Variants in SHANK2 observed in about 807,000 individuals in gnomAD.
SHANK2 encodes the protein SH3 and multiple ankyrin repeat domains protein 2.
A neutral mutation model predicts 133.7 loss-of-function variants in SHANK2; 43 were observed. That is an observed-to-expected ratio of 0.32 (90% CI 0.25 to 0.41). The LOEUF is 0.41. SHANK2 is among the 10% of genes least tolerant of loss of function. SHANK2 has a pLI of 1.00. For missense variants in SHANK2, 1,994 were observed against 2,235.8 expected (o/e 0.89, Z 2.18); for synonymous variants, 1,017 against 952.8 (o/e 1.07, Z -1.24).
intron 14 of SHANK2, among the ~76,000 whole-genome samples, chr11:70,752,199 C>G (rs1168137630): frequency 1.3e-5 from 2 of 152,144 alleles, no homozygotes; most frequent in African/African-American, 4.8e-5. Context: ...TCCCTCCCCC[C>G]TTGGCCTCCC....
intron 17 of SHANK2, among the ~76,000 whole-genome samples, chr11:70,533,719 T>C (rs537929751): frequency 2.3e-4 from 35 of 152,286 alleles, no homozygotes; most frequent in Non-Finnish European, 3.2e-4. Context: ...ATTCACAGTG[T>C]TGTGCAAGCA....
At chr11:71,218,422 C>T (rs897704589) in intron 2 of SHANK2, among the ~76,000 whole-genome samples, 3 of 151,980 alleles carry the variant, frequency 2.0e-5, no homozygotes, top group Non-Finnish European at 4.4e-5. Flanking sequence ...TGCCACCACG[C>T]CCAGCTAATT....
chr11:70,937,318 G>A (rs1950585639), intron 10 of SHANK2, among the ~76,000 whole-genome samples: 2 of 152,318 alleles, frequency 1.3e-5, no homozygotes, highest in South Asian at 4.1e-4. Flanking sequence ...AAGTCATGTG[G>A]TAACAGGGAC....
In SHANK2 at chr11:70,939,003, G is replaced by T. The variant is rs142682378; in HGVS notation, c.1108-42436C>A. On this transcript the variant is annotated intron_variant, in intron 10 of 25. Coordinates refer to ENST00000601538, the MANE Select transcript of SHANK2 (RefSeq NM_012309.5). ...GCTAATCCAGGAGAGACACTAGGGCGCCGGAACTATGGGTGGCAGCAGGGA... is the reference window on the plus strand; with the variant it reads ...GCTAATCCAGGAGAGACACTAGGGCTCCGGAACTATGGGTGGCAGCAGGGA... Among the ~76,000 whole-genome samples the T allele has an allele frequency of 1.9e-3, 286 of 152,252 alleles. 1 individual carries two copies. The highest frequency in any genetic ancestry group is 6.5e-3 in the African/African-American group (270 of 41,552).
chr11:70,681,199 G>A (rs964384899), intron 15 of SHANK2, among the ~76,000 whole-genome samples: 1 of 152,120 alleles, frequency 6.6e-6, no homozygotes, highest in Non-Finnish European at 1.5e-5. Context: ...CAAGTCCCCC[G>A]TTCTCTCTCT....
At chr11:70,678,487 C>G (rs1555017718) in intron 15 of SHANK2, among the ~76,000 whole-genome samples, 2 of 150,484 alleles carry the variant, frequency 1.3e-5, no homozygotes. Flanking sequence ...CTCCCTGCCT[C>G]TCCCTGCCTC....
At chr11:71,172,609 A>AAG (rs1337373385) in intron 2 of SHANK2, among the ~76,000 whole-genome samples, 6 of 151,280 alleles carry the variant, frequency 4.0e-5, no homozygotes, top group African/African-American at 1.2e-4. Context: ...AAAAAAAAAA[A>AAG]AAAGAAAAAA....
At chr11:70,866,088 A>T (rs781854150) in intron 11 of SHANK2, among the ~76,000 whole-genome samples, 1 of 152,180 alleles carries the variant, frequency 6.6e-6, no homozygotes, top group Admixed American at 6.5e-5. Flanking sequence ...TTCCGCGCGC[A>T]GATGCCTCTG....
At chr11:71,239,528 C>T (rs1360355205) in intron 1 of SHANK2, among the ~76,000 whole-genome samples, 2 of 152,174 alleles carry the variant, frequency 1.3e-5, no homozygotes, top group African/African-American at 4.8e-5. Flanking sequence ...GGCACCATCT[C>T]AGCTCACAGC....
At chr11:71,063,599 G>A (rs1951013417) in intron 9 of SHANK2, among the ~76,000 whole-genome samples, 2 of 152,204 alleles carry the variant, frequency 1.3e-5, no homozygotes, top group African/African-American at 4.8e-5. Flanking sequence ...CAGAAAGGAG[G>A]AGAAAGGAAA....
At chr11:70,532,330 G>A (rs957776331) in intron 17 of SHANK2, among the ~76,000 whole-genome samples, 1 of 152,166 alleles carries the variant, frequency 6.6e-6, no homozygotes, top group Non-Finnish European at 1.5e-5. Context: ...TGGGGGTGGT[G>A]TTCAAGTCCA....
chr11:70,611,409 A>AGCCCTGGGCTGCTCCCCACCT (rs2060655765), intron 17 of SHANK2, among the ~76,000 whole-genome samples: 1 of 152,186 alleles, frequency 6.6e-6, no homozygotes, highest in Non-Finnish European at 1.5e-5. Context: ...CTCCAGCCAG[A>AGCCCTGGGCTGCTCCCCACCT]GCCCTGGGCT....
chr11:70,895,302 T>C (rs1488116439), intron 11 of SHANK2: 1 of 152,684 alleles, frequency 6.5e-6, no homozygotes, highest in African/African-American at 2.4e-5. Context: ...CTTTCCCTGA[T>C]GCCAAAAATG....
intron 13 of SHANK2, among the ~76,000 whole-genome samples, chr11:70,805,343 CCA>C (rs1948135690): frequency 6.6e-6 from 1 of 152,204 alleles, no homozygotes; most frequent in Non-Finnish European, 1.5e-5. Flanking sequence ...TCCTTGGCTC[CCA>C]CTTGGGCCTA....
chr11:71,094,107 T>A (rs1176694120), intron 7 of SHANK2, among the ~76,000 whole-genome samples: 1 of 151,812 alleles, frequency 6.6e-6, no homozygotes, highest in Non-Finnish European at 1.5e-5. Flanking sequence ...ATTCGAATTG[T>A]AACCCCCAGT....
chr11:70,955,445 G>A (rs1950906352), intron 10 of SHANK2, among the ~76,000 whole-genome samples: 1 of 151,872 alleles, frequency 6.6e-6, no homozygotes, highest in Non-Finnish European at 1.5e-5. Flanking sequence ...GTGTGTGTGT[G>A]TGTGTGTGTG....
At chr11:70,553,011 C>T (rs1425525911) in intron 17 of SHANK2, among the ~76,000 whole-genome samples, 1 of 152,160 alleles carries the variant, frequency 6.6e-6, no homozygotes, top group Non-Finnish European at 1.5e-5. Flanking sequence ...TCCCTCTGTG[C>T]ATGTCTGTGT....
intron 17 of SHANK2, among the ~76,000 whole-genome samples, chr11:70,636,214 CGT>C (rs782533905): frequency 3.6e-4 from 54 of 152,002 alleles, no homozygotes; most frequent in Non-Finnish European, 5.0e-4. Flanking sequence ...CATGTCAGCA[CGT>C]GTGTGTGTGT....
chr11:70,733,995 C>T (rs530097037), intron 14 of SHANK2, among the ~76,000 whole-genome samples: 13 of 152,280 alleles, frequency 8.5e-5, no homozygotes, highest in African/African-American at 2.6e-4. Context: ...TACTTGCTCG[C>T]GCACTCACAC....
Sources: allele counts gnomAD v4.1 joint callset (sites outside exome capture counted in the v4.1 genomes callset), GRCh38; gene constraint gnomAD v4.1.1; transcripts MANE v1.5; gene names NCBI Gene and HGNC (gene_info 2026-07-23, HGNC 2026-07-21).